COP1: variants seen among roughly 807,000 people sequenced by gnomAD.
The protein encoded by COP1 is COP1 E3 ubiquitin ligase.
A neutral mutation model predicts 101.3 loss-of-function variants in COP1; 24 were observed. The observed-to-expected ratio is 0.24, with a 90% CI of 0.17 to 0.33. COP1 has a LOEUF of 0.33. Among genes scored for constraint, COP1 ranks in the 10% least tolerant of loss-of-function variants. The pLI is 1.00. For synonymous variants in COP1, 347 were observed against 341.9 expected, an observed-to-expected ratio of 1.01 and a Z score of -0.17; for missense variants, 663 against 906.2, an observed-to-expected ratio of 0.73 and a Z score of 3.45.
At chr1:176,008,551 G>A (rs144099421) in intron 15 of COP1, among the ~76,000 whole-genome samples, 1 of 151,604 alleles carries the variant, frequency 6.6e-6, no homozygotes, top group Non-Finnish European at 1.5e-5. Context: ...TACCTTTTTT[G>A]AATATATTTG....
intron 2 of COP1, among the ~76,000 whole-genome samples, chr1:176,182,456 G>A (rs978984303): frequency 2.0e-5 from 3 of 152,154 alleles, no homozygotes; most frequent in African/African-American, 4.8e-5. Context: ...GACATTTTTG[G>A]TTGTCACAAC....
chr1:176,174,850 A>AG (rs1696683145), intron 3 of COP1, among the ~76,000 whole-genome samples: 1 of 152,170 alleles, frequency 6.6e-6, no homozygotes, highest in Admixed American at 6.5e-5. Flanking sequence ...TCATACCTGA[A>AG]AATTATTCTT....
chr1:175,960,007 G>A (rs990398276), intron 18 of COP1, among the ~76,000 whole-genome samples: 3 of 152,226 alleles, frequency 2.0e-5, no homozygotes, highest in African/African-American at 7.2e-5. Flanking sequence ...TGTTTTAAGT[G>A]GCAAGCCAAA....
intron 14 of COP1, among the ~76,000 whole-genome samples, chr1:176,029,631 T>TA (rs1463849972): frequency 2.0e-5 from 3 of 152,162 alleles, no homozygotes; most frequent in African/African-American, 7.2e-5. Context: ...TGTTGTTTTT[T>TA]AAAAAAGCTC....
At chr1:176,179,462 C>T (rs1697436984) in intron 2 of COP1, among the ~76,000 whole-genome samples, 1 of 152,124 alleles carries the variant, frequency 6.6e-6, no homozygotes, top group Non-Finnish European at 1.5e-5. Context: ...AGGCTGGGTG[C>T]AGTGGCTCGT....
chr1:176,069,971 A>C (rs1676675323), intron 11 of COP1, among the ~76,000 whole-genome samples: 1 of 152,270 alleles, frequency 6.6e-6, no homozygotes, highest in East Asian at 1.9e-4. Flanking sequence ...AGTGTTCTAT[A>C]TATCTACAAC....
At chr1:176,204,881 C>T (rs1056441554) in intron 1 of COP1, among the ~76,000 whole-genome samples, 1 of 152,046 alleles carries the variant, frequency 6.6e-6, no homozygotes, top group Non-Finnish European at 1.5e-5. Flanking sequence ...TGAGCCAAGA[C>T]GGTGCCACTG....
chr1:175,985,794 A>C (rs539502130), intron 18 of COP1, among the ~76,000 whole-genome samples: 1 of 152,186 alleles, frequency 6.6e-6, no homozygotes, highest in African/African-American at 2.4e-5. Context: ...GGGTTGGTCC[A>C]AATTACCTAG....
At chr1:176,080,408 A>G (rs1422540410) in intron 11 of COP1, among the ~76,000 whole-genome samples, 7 of 152,156 alleles carry the variant, frequency 4.6e-5, no homozygotes, top group African/African-American at 1.7e-4. Flanking sequence ...AGAAGAATAA[A>G]AATAATTAAG....
At chr1:176,143,150 G>GCGAGAGAA (rs1199540120) in intron 6 of COP1, among the ~76,000 whole-genome samples, 1,742 of 151,460 alleles carry the variant, frequency 0.012, 38 homozygotes, top group African/African-American at 0.04. Flanking sequence ...GAGAGAAAGA[G>GCGAGAGAA]AGAGAGAGAG....
At chr1:176,136,916 CT>C (rs900977336) in intron 6 of COP1, among the ~76,000 whole-genome samples, 26 of 147,266 alleles carry the variant, frequency 1.8e-4, no homozygotes, top group Non-Finnish European at 2.1e-4. Context: ...GTTAATCACA[CT>C]TTTTTTTTTT....
intron 15 of COP1, among the ~76,000 whole-genome samples, chr1:176,003,373 T>G (rs959473584): frequency 1.5e-4 from 23 of 151,752 alleles, no homozygotes; most frequent in Non-Finnish European, 2.5e-4. Context: ...CATTTGTCAA[T>G]TTTGGCTTTT....
intron 15 of COP1, among the ~76,000 whole-genome samples, chr1:175,992,038 T>C (rs899636209): frequency 1.3e-5 from 2 of 152,230 alleles, no homozygotes; most frequent in East Asian, 3.8e-4. Context: ...TCAAGTATTG[T>C]GTAGTATACG....
At chr1:176,039,557 A>G (rs1670160041) in intron 14 of COP1, among the ~76,000 whole-genome samples, 1 of 144,512 alleles carries the variant, frequency 6.9e-6, no homozygotes, top group African/African-American at 2.5e-5. Flanking sequence ...AATCCTTACC[A>G]AAACCTCAAA....
At chr1:176,140,187 T>C (rs999524276) in intron 6 of COP1, among the ~76,000 whole-genome samples, 1 of 152,194 alleles carries the variant, frequency 6.6e-6, no homozygotes, top group African/African-American at 2.4e-5. Flanking sequence ...CTGGATCATA[T>C]ACCTATTGTT....
intron 15 of COP1, among the ~76,000 whole-genome samples, chr1:176,020,708 C>T (rs146134250): frequency 6.6e-6 from 1 of 152,228 alleles, no homozygotes; most frequent in East Asian, 1.9e-4. Context: ...ATATTGTGGG[C>T]TTTATCACTG....
At chr1:176,170,595 A>C (rs534743371) in intron 3 of COP1, among the ~76,000 whole-genome samples, 1 of 152,278 alleles carries the variant, frequency 6.6e-6, no homozygotes, top group African/African-American at 2.4e-5. Context: ...AATCACGCTG[A>C]AAAGAGATAT....
At chr1:176,075,577 T>C (rs1400807211) in intron 11 of COP1, among the ~76,000 whole-genome samples, 5 of 152,196 alleles carry the variant, frequency 3.3e-5, no homozygotes, top group Non-Finnish European at 4.4e-5. Context: ...ACAATGTCCA[T>C]TTTAAGAGAT....
intron 11 of COP1, among the ~76,000 whole-genome samples, chr1:176,065,679 T>C (rs558593401): frequency 8.9e-4 from 135 of 151,834 alleles, no homozygotes; most frequent in African/African-American, 2.9e-3. Flanking sequence ...CCCACTCCAC[T>C]TCCTGTACCA....
Sources: gnomAD v4.1 joint callset for allele counts (sites outside exome capture counted in the v4.1 genomes callset) on GRCh38, gnomAD v4.1.1 for gene constraint, MANE v1.5 for transcripts, NCBI Gene and HGNC (gene_info 2026-07-23, HGNC 2026-07-21) for gene names.